The following TUBGCP3 variants were observed in gnomAD, a reference collection of about 807,000 sequenced individuals.
TUBGCP3 encodes tubulin gamma complex component 3.
A neutral mutation model predicts 123.1 loss-of-function variants in TUBGCP3; 50 were observed. The ratio of observed to expected loss-of-function variants is 0.41; its 90% confidence interval spans 0.32 to 0.51. The LOEUF is 0.51. Ranked by LOEUF, TUBGCP3 falls within the 20% of genes least tolerant of loss-of-function variation. The pLI is 0.36. For synonymous variants in TUBGCP3, 405 were observed against 413.9 expected, an observed-to-expected ratio of 0.98 and a Z score of 0.26; for missense variants, 882 against 1,127.0, an observed-to-expected ratio of 0.78 and a Z score of 3.11.
intron 8 of TUBGCP3, among the ~76,000 whole-genome samples, chr13:112,549,808 T>A (rs982618070): frequency 2.2e-4 from 34 of 151,558 alleles, no homozygotes; most frequent in Non-Finnish European, 3.7e-4. Context: ...GCTAACATGG[T>A]GAGACCCCTG....
In TUBGCP3 at chr13:112,511,045, C is replaced by T. The variant is rs866321609; in HGVS notation, c.2086+5395G>A. Among the ~76,000 whole-genome samples, 40 of 152,264 alleles carry T rather than the reference C, an allele frequency of 2.6e-4. No homozygotes were observed. The highest frequency in any genetic ancestry group is 8.9e-4 in the African/African-American group (37 of 41,544). On this transcript the variant is annotated intron_variant, in intron 17 of 21. Transcript: ENST00000261965. This position sits in a 1 kb window ranked among gnomAD's most constrained non-coding sequence, Gnocchi z 4.1. ...CAGGATACAAAAACACAGATAGATA[C>T]ACAAAGAAATTTTTAAAGAGAAAAA...
intron 11 of TUBGCP3, among the ~76,000 whole-genome samples, chr13:112,537,509 G>T (rs1355129937): frequency 6.6e-6 from 1 of 152,080 alleles, no homozygotes; most frequent in Non-Finnish European, 1.5e-5. Flanking sequence ...TGGCCATTGT[G>T]TACAATCCTT....
intron 19 of TUBGCP3, among the ~76,000 whole-genome samples, chr13:112,501,167 G>A (rs1267277875): frequency 2.0e-5 from 3 of 152,152 alleles, no homozygotes; most frequent in African/African-American, 7.2e-5. Flanking sequence ...TGATTAATGC[G>A]GCAAACACAT....
intron 11 of TUBGCP3, among the ~76,000 whole-genome samples, chr13:112,536,358 A>G (rs1381296009): frequency 2.0e-5 from 3 of 152,212 alleles, no homozygotes; most frequent in Non-Finnish European, 4.4e-5. Flanking sequence ...AATATCAAAC[A>G]TTGAAAGTGT....
intron 17 of TUBGCP3, among the ~76,000 whole-genome samples, chr13:112,512,943 T>C (rs1296755553): frequency 2.0e-5 from 3 of 152,234 alleles, no homozygotes; most frequent in Admixed American, 6.5e-5. Flanking sequence ...TATTAGAACC[T>C]GACTACGTAA....
Position 112,558,427 on chromosome 13 carries a change from C to G in TUBGCP3, c.331-14G>C, listed in dbSNP as rs1411284809. On this transcript the variant is annotated splice_polypyrimidine_tract_variant and intron_variant, in intron 4 of 21. Coordinates refer to ENST00000261965, the MANE Select transcript of TUBGCP3 (RefSeq NM_006322.6). ...ATAGCTAGAAACCTGAAAAGAGAAA[C>G]ACACTAAGAGCAGAGACAGGAAATT... The G allele has an allele frequency of 1.3e-6, 2 of 1,530,788 alleles. No individual in the cohort carries two copies. Among genetic ancestry groups the G allele is most frequent in the African/African-American group, 2.7e-5 (2 of 73,008 alleles). 94.8% of individuals were successfully genotyped at this position (1,530,788 alleles called of 1,614,324 possible).
chr13:112,504,500 A>T, intron 18 of TUBGCP3, 126 bp downstream of exon 18: 1 of 634,028 alleles, frequency 1.6e-6, no homozygotes, highest in Non-Finnish European at 2.4e-6. Context: ...AAAAAAAAAA[A>T]GAAAAAATTA....
chr13:112,560,362 G>A (rs1332794826), intron 3 of TUBGCP3, among the ~76,000 whole-genome samples: 8 of 150,810 alleles, frequency 5.3e-5, no homozygotes, highest in Admixed American at 4.0e-4. Flanking sequence ...CCCGGGAGGC[G>A]GAGCTTGCAG....
intron 20 of TUBGCP3, among the ~76,000 whole-genome samples, chr13:112,498,610 G>A (rs113601604): frequency 9.8e-5 from 15 of 152,338 alleles, no homozygotes; most frequent in African/African-American, 3.6e-4. Context: ...TTTCAGTGTA[G>A]AATGTGCTCA....
chr13:112,510,390 T>C (rs1881601703), intron 17 of TUBGCP3, among the ~76,000 whole-genome samples: 1 of 152,102 alleles, frequency 6.6e-6, no homozygotes, highest in Non-Finnish European at 1.5e-5. Flanking sequence ...CCTCAACCCG[T>C]ATTTATGTAT....
chr13:112,498,845 C>T (rs1481655250), intron 20 of TUBGCP3, 200 bp downstream of exon 20: 2 of 1,595,218 alleles, frequency 1.3e-6, no homozygotes, highest in African/African-American at 1.3e-5. Context: ...TTTTGTGAAA[C>T]AGGATGATGA....
At chr13:112,560,799 G>A (rs1366126170) in intron 3 of TUBGCP3, among the ~76,000 whole-genome samples, 8 of 152,300 alleles carry the variant, frequency 5.3e-5, no homozygotes. Flanking sequence ...CTAATCCCCA[G>A]CCAGGGCCAC....
At chr13:112,486,215 C>T (rs542603837) in intron 21 of TUBGCP3, 64 bp from the exon 22 acceptor site, 17 of 1,582,022 alleles carry the variant, frequency 1.1e-5, no homozygotes, top group South Asian at 2.3e-5. Context: ...ACGTATTCCC[C>T]GGACCTTAAT....
chr13:112,513,255 G>A (rs1012837247), intron 17 of TUBGCP3, among the ~76,000 whole-genome samples: 1 of 152,124 alleles, frequency 6.6e-6, no homozygotes, highest in Non-Finnish European at 1.5e-5. Flanking sequence ...TAGATTAATT[G>A]ACTCTAACAA....
In TUBGCP3 at chr13:112,518,963, G is replaced by A; in HGVS notation, c.1950+12C>T. 5 of 1,609,254 alleles carry A rather than the reference G, an allele frequency of 3.1e-6. No homozygotes were observed. Among genetic ancestry groups the A allele is most frequent in the Non-Finnish European group, 4.3e-6 (5 of 1,175,580 alleles). On this transcript the variant is annotated intron_variant, in intron 16 of 21. Transcript: ENST00000261965. ...GTTGTAAATACTATAAAATGATGCA[G>A]GATAATCTTACAGTTGCAATTGGTC...
At chr13:112,604,042 A>G in the TUBGCP3 span, 1 of 152,240 alleles carries the variant, frequency 6.6e-6, no homozygotes, top group Non-Finnish European at 1.5e-5. Flanking sequence ...CTGGGATCCT[A>G]TAGCAGTTTT....
chr13:112,516,813 G>C (rs1337113135), intron 16 of TUBGCP3, among the ~76,000 whole-genome samples: 1 of 152,050 alleles, frequency 6.6e-6, no homozygotes, highest in Non-Finnish European at 1.5e-5. Flanking sequence ...TTTTAGACTA[G>C]TCTAAACCTA....
intron 11 of TUBGCP3, among the ~76,000 whole-genome samples, chr13:112,542,133 A>G (rs2139153560): frequency 6.6e-6 from 1 of 152,358 alleles, no homozygotes; most frequent in Non-Finnish European, 1.5e-5. Context: ...TAAACAAATC[A>G]TAGTAATATA....
intron 1 of TUBGCP3, among the ~76,000 whole-genome samples, chr13:112,585,668 G>A (rs941266644): frequency 4.6e-5 from 7 of 152,182 alleles, no homozygotes; most frequent in Admixed American, 4.6e-4. Context: ...ACTACTTGGG[G>A]GGCTGATGCA....
Sources: gnomAD v4.1 joint callset for allele counts (sites outside exome capture counted in the v4.1 genomes callset) on GRCh38, gnomAD v4.1.1 for gene constraint, Gnocchi (gnomAD v3.1) non-coding constraint, MANE v1.5 for transcripts, NCBI Gene and HGNC (gene_info 2026-07-23, HGNC 2026-07-21) for gene names.